F10: variants seen among roughly 807,000 people sequenced by gnomAD.
F10 encodes the protein Stuart-Prower factor.
Under a neutral mutation model 37.1 loss-of-function variants are expected in F10, and 29 were observed. The ratio of observed to expected loss-of-function variants is 0.78; its 90% CI spans 0.58 to 1.07. The LOEUF (loss-of-function observed/expected upper bound fraction) is 1.07, where lower values mean the gene tolerates loss of function less well. F10 is among the 50% of genes least tolerant of loss of function. The probability of loss-of-function intolerance (pLI) is 0.00; values close to 1 mark genes in which losing one functional copy is unlikely to be tolerated. For synonymous variants in F10, 262 were observed against 268.6 expected (o/e 0.98, Z 0.24); for missense variants, 539 against 667.9 (o/e 0.81, Z 2.13).
At chr13:113,148,399 T>TAC (rs10672302) in intron 7 of F10, among the ~76,000 whole-genome samples, 107,385 of 138,386 alleles carry the variant, frequency 0.78, 42,358 homozygotes, top group Non-Finnish European at 0.85. Context: ...TACATATATA[T>TAC]ACACACACAC....
chr13:113,142,814 C>T (rs535154244), intron 5 of F10, among the ~76,000 whole-genome samples: 2 of 152,094 alleles, frequency 1.3e-5, no homozygotes, highest in East Asian at 1.9e-4. Flanking sequence ...CGCCTGTAAT[C>T]CCAGCTACTC....
Position 113,146,212 on chromosome 13 carries a change from A to G in F10, c.748-1167A>G, listed in dbSNP as rs970409170. On this transcript the variant is annotated intron_variant, in intron 6 of 7. Coordinates refer to ENST00000375559, the MANE Select transcript of F10 (RefSeq NM_000504.4). The surrounding 1 kb of genome is among the most constrained non-coding windows in gnomAD (Gnocchi z 4.5). ...GAGCCGGGTGCTGTGTAGGTGGGAT[A>G]TGAAACCATGAAGCCTCTCTGTGAC... 2.0e-5 allele frequency among the ~76,000 whole-genome samples: 3 copies of G among 152,182 alleles called. No individual in the cohort carries two copies. The highest frequency in any genetic ancestry group is 1.3e-4 in the Admixed American group (2 of 15,286).
rs1361888743 is a variant in F10, at chr13:113,146,454, CTCACTGGAGGGG to C, written c.748-924_748-913del. On this transcript the variant is annotated intron_variant, in intron 6 of 7. Coordinates refer to ENST00000375559, the MANE Select transcript of F10 (RefSeq NM_000504.4). The surrounding 1 kb of genome is among the most constrained non-coding windows in gnomAD (Gnocchi z 4.5). ...GACCAGGGTGGGGCGCCCTGGAGGG[CTCACTGGAGGGG>C]CCCTCGCCCAGCCTGTTGAGGTTTG... Among the ~76,000 whole-genome samples, 1 of 152,160 alleles carries C rather than the reference CTCACTGGAGGGG, an allele frequency of 6.6e-6. No individual in the cohort carries two copies. The highest frequency in any genetic ancestry group is 1.5e-5 in the Non-Finnish European group (1 of 68,026).
Position 113,143,700 on chromosome 13 carries a change from CGTGGGGCCTCGCCCTG to C in F10, c.503-150_503-135del. 48 of 1,143,696 alleles carry C rather than the reference CGTGGGGCCTCGCCCTG, an allele frequency of 4.2e-5. No individual in the cohort carries two copies. The highest frequency in any genetic ancestry group is 3.2e-4 in the Admixed American group (13 of 40,556). The allele number at this position is 1,143,696 out of a possible 1,614,324, so 70.8% of individuals were successfully genotyped here. A position where few individuals can be genotyped will look rare whatever the true frequency, so the allele number is the denominator to read the frequency against. On this transcript the variant is annotated intron_variant, in intron 5 of 7. Transcript: ENST00000375559. The surrounding 1 kb of genome is among the most constrained non-coding windows in gnomAD (Gnocchi z 6.8). ...CTGCAGATCCGACCCCTGCCGACGACGTGGGGCCTCGCCCTGCAAGCCCGCTGCCCCTCCGGGTGCC... is the reference window on the plus strand; with the variant it reads ...CTGCAGATCCGACCCCTGCCGACGACCAAGCCCGCTGCCCCTCCGGGTGCC...
chr13:113,144,244 G>T lies in F10; in HGVS notation c.747+149G>T. The T allele has an allele frequency of 8.1e-7, 1 of 1,233,850 alleles. No individual in the cohort carries two copies. The allele number at this position is 1,233,850 out of a possible 1,614,324, so 76.4% of individuals were successfully genotyped here. On this transcript the variant is annotated intron_variant, in intron 6 of 7. Transcript: ENST00000375559. This position sits in a 1 kb window ranked among gnomAD's most constrained non-coding sequence, Gnocchi z 6.4. ...GGGGCTCCGCCACCCAAGCCTGCCTGCCTGTCCCCTCCCTCCGGGCAGCCA... is the reference window on the plus strand; with the variant it reads ...GGGGCTCCGCCACCCAAGCCTGCCTTCCTGTCCCCTCCCTCCGGGCAGCCA...
At position 113,149,077 on chromosome 13, in the gene F10, C is replaced by A; in HGVS notation, c.1027C>A (p.Leu343Ile). The A allele has an allele frequency of 1.2e-6, 2 of 1,613,286 alleles. No individual in the cohort carries two copies. The highest frequency in any genetic ancestry group is 1.7e-6 in the Non-Finnish European group (2 of 1,180,014). The change falls in exon 8 of 8, where the codon CTC becomes ATC. Residue 343 changes from leucine (L) to isoleucine (I), a missense_variant. Physicochemically the swap from Leu to Ile is conservative, Grantham distance 5. Coordinates refer to ENST00000375559, the MANE Select transcript of F10 (RefSeq NM_000504.4). This position sits in a 1 kb window ranked among gnomAD's most constrained non-coding sequence, Gnocchi z 7.5. The part of the protein sequence containing the change: ...TFRMNVAPAC[L>I]PERDWAESTL... ...CCGCATGAACGTGGCGCCTGCCTGC[C>A]TCCCCGAGCGTGACTGGGCCGAGTC...
chr13:113,143,699 A>ATAG lies in F10; in HGVS notation c.503-152_503-151insTAG. 9 of 1,203,550 alleles carry ATAG rather than the reference A, an allele frequency of 7.5e-6. No homozygotes were observed. In the Admixed American group the frequency reaches 1.1e-4, roughly 14 times the overall value. 74.6% of individuals were successfully genotyped at this position (1,203,550 alleles called of 1,614,324 possible). The stretch of plus-strand genomic sequence containing the variant: ...CCTGCAGATCCGACCCCTGCCGACG[A>ATAG]CGTGGGGCCTCGCCCTGCAAGCCCG... On this transcript the variant is annotated intron_variant, in intron 5 of 7. Coordinates refer to ENST00000375559, the MANE Select transcript of F10 (RefSeq NM_000504.4). This position sits in a 1 kb window ranked among gnomAD's most constrained non-coding sequence, Gnocchi z 6.8.
intron 2 of F10, among the ~76,000 whole-genome samples, chr13:113,135,102 G>T (rs991272989): frequency 3.9e-5 from 6 of 152,010 alleles, no homozygotes; most frequent in Admixed American, 6.6e-5. Flanking sequence ...AATTAGCTGG[G>T]CGTGGTGGTG....
intron 1 of F10, among the ~76,000 whole-genome samples, chr13:113,124,348 T>C (rs1189905230): frequency 6.6e-6 from 1 of 152,162 alleles, no homozygotes; most frequent in African/African-American, 2.4e-5. Context: ...TTCCTGCCAA[T>C]GGGAAATGCA....
rs1463000511 is a variant in F10 at position 113,144,915 on chromosome 13, G to A, written c.747+820G>A. Among the ~76,000 whole-genome samples, 13 of 150,538 alleles carry A rather than the reference G, an allele frequency of 8.6e-5. No individual in the cohort carries two copies. The highest frequency in any genetic ancestry group is 2.9e-4 in the African/African-American group (12 of 40,686). On this transcript the variant is annotated intron_variant, in intron 6 of 7. Coordinates refer to ENST00000375559, the MANE Select transcript of F10 (RefSeq NM_000504.4). This position sits in a 1 kb window ranked among gnomAD's most constrained non-coding sequence, Gnocchi z 6.4. ...TTTTTTTGAGACGGAGTCTCACTCT[G>A]TCGCCCAGGCTGGAGTGCAGTGGCG... is the stretch of plus-strand genomic sequence containing the variant.
chr13:113,140,898 C>A (rs773664868), intron 4 of F10, 21 bp from the exon 5 acceptor site: 81 of 1,613,836 alleles, frequency 5.0e-5, no homozygotes, highest in Non-Finnish European at 6.4e-5. Flanking sequence ...TCCCCAGAGC[C>A]AACGTGCCTC....
chr13:113,124,444 T>C lies in F10; in HGVS notation c.70+1519T>C, dbSNP rs549004141. The stretch of plus-strand genomic sequence containing the variant: ...GGGCCTGGCTCATAACCATGGCCTG[T>C]GGTGTCCCCGGGGGCCGGCCTGGAC... On this transcript the variant is annotated intron_variant, in intron 1 of 7. Transcript: ENST00000375559. Among the ~76,000 whole-genome samples, 31 of 152,330 alleles carry C rather than the reference T, an allele frequency of 2.0e-4. No individual in the cohort carries two copies. The South Asian group carries it at 6.2e-3, about 31-fold the overall frequency.
In F10 at chr13:113,139,312, C is replaced by T. The variant is rs780071099; in HGVS notation, c.257-45C>T. 4.7e-5 allele frequency: 71 copies of T among 1,513,436 alleles called. 2 individuals carry two copies. In the South Asian group the frequency reaches 7.1e-4, roughly 15 times the overall value. 93.8% of individuals were successfully genotyped at this position (1,513,436 alleles called of 1,614,324 possible). A position where few individuals can be genotyped will look rare whatever the true frequency, so the allele number is the denominator to read the frequency against. On this transcript the variant is annotated intron_variant, in intron 3 of 7. Coordinates refer to ENST00000375559, the MANE Select transcript of F10 (RefSeq NM_000504.4). The surrounding 1 kb of genome is among the most constrained non-coding windows in gnomAD (Gnocchi z 5.2). ...CACAGCAAAACTGTTTCCATGATGC[C>T]GGAAACAGCTTGCAGACTCCAGTTT...
chr13:113,126,312 T>C (rs1158485851), intron 1 of F10, among the ~76,000 whole-genome samples: 4 of 152,034 alleles, frequency 2.6e-5, no homozygotes, highest in Non-Finnish European at 4.4e-5. Context: ...CCTACCCCCA[T>C]GAGCTGGGGA....
intron 2 of F10, among the ~76,000 whole-genome samples, chr13:113,132,321 G>A (rs771393455): frequency 1.3e-5 from 2 of 152,038 alleles, no homozygotes; most frequent in Non-Finnish European, 2.9e-5. Context: ...ACTCAGCATC[G>A]TTTCTCAAAC....
chr13:113,133,519 C>G (rs960372595), intron 2 of F10, among the ~76,000 whole-genome samples: 4 of 152,092 alleles, frequency 2.6e-5, no homozygotes, highest in Non-Finnish European at 4.4e-5. Context: ...GAAAGAGATA[C>G]CTGCCAATTC....
At chr13:113,130,402 A>T (rs1400701374) in intron 2 of F10, 1 of 153,124 alleles carries the variant, frequency 6.5e-6, no homozygotes, top group African/African-American at 2.4e-5. Context: ...TCCTCACCCC[A>T]GGCATCAGGA....
At position 113,143,855 on chromosome 13, in the gene F10, C is replaced by T; in HGVS notation, c.507C>T (p.Pro169=). Residue 169 remains proline (P), a synonymous_variant, in exon 6 of 8, where the codon CCC becomes CCT. Transcript: ENST00000375559. The surrounding 1 kb of genome is among the most constrained non-coding windows in gnomAD (Gnocchi z 6.8). Reference sequence around the variant, plus strand: ...CGGCCGTCCTCTTTCTTTCAGGGCCCTACCCCTGTGGGAAACAGACCCTGG... The same window carrying T: ...CGGCCGTCCTCTTTCTTTCAGGGCCTTACCCCTGTGGGAAACAGACCCTGG... The part of the protein sequence containing the change: ...DNGKACIPTG[P]YPCGKQTLER... 6.2e-7 allele frequency: 1 copy of T among 1,612,482 alleles called. No homozygotes were observed. Among genetic ancestry groups the T allele is most frequent in the South Asian group, 1.1e-5 (1 of 91,078 alleles).
chr13:113,127,644 C>A (rs1434392932), intron 1 of F10, among the ~76,000 whole-genome samples: 1 of 152,054 alleles, frequency 6.6e-6, no homozygotes, highest in African/African-American at 2.4e-5. Context: ...GAAATCAACT[C>A]AGTATTTTTT....
Sources: allele counts gnomAD v4.1 joint callset (sites outside exome capture counted in the v4.1 genomes callset), GRCh38; gene constraint gnomAD v4.1.1; non-coding constraint Gnocchi (gnomAD v3.1); transcripts MANE v1.5; gene names NCBI Gene and HGNC (gene_info 2026-07-23, HGNC 2026-07-21).